Variants in GMDS observed in about 807,000 individuals in gnomAD.
GMDS encodes the protein GDP-mannose 4,6 dehydratase.
GMDS carries 20 observed loss-of-function variants against 49.9 expected under a neutral mutation model. That is an observed-to-expected ratio of 0.40 (90% CI 0.28 to 0.58). The LOEUF is 0.58. GMDS is among the 20% of genes least tolerant of loss of function. GMDS has a pLI of 0.42. For synonymous variants in GMDS, 177 were observed against 178.6 expected (o/e 0.99, Z 0.07); for missense variants, 362 against 481.4 (o/e 0.75, Z 2.32).
intron 4 of GMDS, among the ~76,000 whole-genome samples, chr6:2,097,417 G>T (rs1421738438): frequency 6.6e-6 from 1 of 152,096 alleles, no homozygotes; most frequent in East Asian, 1.9e-4. Flanking sequence ...GAGAAAGAGG[G>T]TGCAGCTTAA....
intron 1 of GMDS, among the ~76,000 whole-genome samples, chr6:2,236,636 T>C (rs1781368937): frequency 6.6e-6 from 1 of 152,196 alleles, no homozygotes; most frequent in Non-Finnish European, 1.5e-5. Context: ...AAAGAACCGA[T>C]GTAAAAATAT....
intron 4 of GMDS, among the ~76,000 whole-genome samples, chr6:1,973,301 C>T (rs577270618): frequency 3.3e-4 from 50 of 152,292 alleles, no homozygotes; most frequent in African/African-American, 1.2e-3. Flanking sequence ...ATTACATTAG[C>T]TTTTGAATGC....
At chr6:1,865,289 G>A (rs1476825338) in intron 7 of GMDS, among the ~76,000 whole-genome samples, 1 of 152,088 alleles carries the variant, frequency 6.6e-6, no homozygotes, top group Non-Finnish European at 1.5e-5. Context: ...TGTAATAGCA[G>A]AAAAATTACT....
At chr6:1,958,648 T>C (rs1763771295) in intron 6 of GMDS, among the ~76,000 whole-genome samples, 1 of 152,218 alleles carries the variant, frequency 6.6e-6, no homozygotes, top group Non-Finnish European at 1.5e-5. Context: ...TAAAGATTCA[T>C]TTATAAACCT....
rs1013979584 is a variant in GMDS at position 1,766,778 on chromosome 6, GT to G, written c.772-24193del. ...TCGAACATGCTAAAAACTGCGTTAT[GT>G]TTTTTAAAAACCCAACAAACTCTAA... On this transcript the variant is annotated intron_variant, in intron 7 of 10. Coordinates refer to ENST00000380815, the MANE Select transcript of GMDS (RefSeq NM_001500.4). The surrounding 1 kb of genome is among the most constrained non-coding windows in gnomAD (Gnocchi z 4.5). Among the ~76,000 whole-genome samples the G allele has an allele frequency of 6.6e-6, 1 of 152,208 alleles. No homozygotes were observed. Among genetic ancestry groups the G allele is most frequent in the Non-Finnish European group, 1.5e-5 (1 of 68,040 alleles).
At chr6:2,150,085 T>C (rs1776773082) in intron 1 of GMDS, among the ~76,000 whole-genome samples, 1 of 152,208 alleles carries the variant, frequency 6.6e-6, no homozygotes, top group Non-Finnish European at 1.5e-5. Flanking sequence ...GTAAGTATTT[T>C]ATTATTTCCT....
chr6:1,974,233 C>T (rs1048545866), intron 4 of GMDS, among the ~76,000 whole-genome samples: 1 of 151,360 alleles, frequency 6.6e-6, no homozygotes, highest in African/African-American at 2.4e-5. Context: ...CTACATGTTT[C>T]ACTAGAAACA....
intron 4 of GMDS, among the ~76,000 whole-genome samples, chr6:2,051,553 A>AT (rs953450581): frequency 2.7e-4 from 41 of 152,202 alleles, no homozygotes; most frequent in Admixed American, 2.5e-3. Flanking sequence ...TATTTGCAGG[A>AT]TTTTTTGTGG....
intron 4 of GMDS, among the ~76,000 whole-genome samples, chr6:1,987,180 G>A (rs1303045554): frequency 6.6e-6 from 1 of 152,172 alleles, no homozygotes; most frequent in African/African-American, 2.4e-5. Flanking sequence ...ACATTAGTAT[G>A]AAGATGTAAA....
chr6:2,145,168 G>T (rs538648976), intron 1 of GMDS, among the ~76,000 whole-genome samples: 4 of 152,206 alleles, frequency 2.6e-5, no homozygotes, highest in Non-Finnish European at 5.9e-5. Context: ...TAAGCACTAA[G>T]TATAGTGTAA....
At chr6:2,062,948 T>C (rs1170084482) in intron 4 of GMDS, among the ~76,000 whole-genome samples, 3 of 152,024 alleles carry the variant, frequency 2.0e-5, no homozygotes, top group African/African-American at 7.3e-5. Context: ...ACACAAAGCA[T>C]CTAGCTCTCA....
chr6:2,225,266 G>T (rs1780765066), intron 1 of GMDS, among the ~76,000 whole-genome samples: 1 of 152,006 alleles, frequency 6.6e-6, no homozygotes, highest in South Asian at 2.1e-4. Flanking sequence ...GGAGGTCAAG[G>T]CTTCAGTAAG....
chr6:1,632,498 G>A (rs62390637), intron 9 of GMDS, among the ~76,000 whole-genome samples: 15,775 of 152,196 alleles, frequency 0.1, 1,058 homozygotes, highest in Non-Finnish European at 0.15. Context: ...TAGGAGTGTC[G>A]GTTACAAGAG....
intron 1 of GMDS, among the ~76,000 whole-genome samples, chr6:2,244,095 C>G (rs951360875): frequency 2.0e-5 from 3 of 152,002 alleles, no homozygotes; most frequent in Admixed American, 1.3e-4. Context: ...AAACTCCTGG[C>G]CTCACCTCGA....
At chr6:1,940,344 G>A (rs929964331) in intron 6 of GMDS, among the ~76,000 whole-genome samples, 12 of 152,220 alleles carry the variant, frequency 7.9e-5, no homozygotes, top group African/African-American at 2.9e-4. Flanking sequence ...TACAATGACA[G>A]TTTGGACAAT....
rs762018575 is a variant in GMDS, at chr6:1,624,519, T to C, written c.1009A>G (p.Thr337Ala). The C allele has an allele frequency of 6.2e-7, 1 of 1,613,714 alleles. No individual in the cohort carries two copies. The highest frequency in any genetic ancestry group is 1.3e-5 in the African/African-American group (1 of 75,002). ...CAGTTCAGCTTCTGTTTCGCTTTGG[T>C]GCAGTCGCCCTGCAGAAAGTCCTAG... ...TEVDFLQGDC[T>A]KAKQKLNWKP... The change falls in exon 10 of 11, where the codon ACC becomes GCC. Residue 337 changes from threonine to alanine, a missense_variant. Physicochemically the swap from Thr to Ala is moderately conservative, Grantham distance 58. Transcript: ENST00000380815.
rs1038343308 is a variant in GMDS, at chr6:2,108,934, A to T, written c.345+6837T>A. On this transcript the variant is annotated intron_variant, in intron 4 of 10. Transcript: ENST00000380815. ...CTAGAGCCCATTTATTAAAAAACAA[A>T]GGATCCAAAACATCACTTTTTCCTT... is the stretch of plus-strand genomic sequence containing the variant. Among the ~76,000 whole-genome samples, 3 of 152,344 alleles carry T rather than the reference A, an allele frequency of 2.0e-5. No homozygotes were observed. The South Asian group carries it at 6.2e-4, about 32-fold the overall frequency.
intron 7 of GMDS, among the ~76,000 whole-genome samples, chr6:1,852,601 A>T (rs545347256): frequency 1.1e-4 from 16 of 151,994 alleles, no homozygotes; most frequent in Non-Finnish European, 1.8e-4. Flanking sequence ...AAAATTTAGC[A>T]TTATGTTTTT....
intron 1 of GMDS, among the ~76,000 whole-genome samples, chr6:2,156,885 A>T (rs942237053): frequency 2.0e-5 from 3 of 152,218 alleles, no homozygotes; most frequent in Non-Finnish European, 4.4e-5. Context: ...CAGGATTTTA[A>T]GAAAGCCAAA....
Sources: gnomAD v4.1 joint callset for allele counts (sites outside exome capture counted in the v4.1 genomes callset) on GRCh38, gnomAD v4.1.1 for gene constraint, Gnocchi (gnomAD v3.1) non-coding constraint, MANE v1.5 for transcripts, NCBI Gene and HGNC (gene_info 2026-07-23, HGNC 2026-07-21) for gene names.